MBNL2: variants seen among roughly 807,000 people sequenced by gnomAD.
The protein encoded by MBNL2 is muscleblind like splicing regulator 2, also known as muscleblind-like protein 2.
Under a neutral mutation model 41.9 loss-of-function variants are expected in MBNL2, and 17 were observed. The ratio of observed to expected loss-of-function variants is 0.41; its 90% CI spans 0.28 to 0.61. The LOEUF (loss-of-function observed/expected upper bound fraction) is 0.61, where lower values mean the gene tolerates loss of function less well. Among genes scored for constraint, MBNL2 ranks in the 20% least tolerant of loss-of-function variants. The pLI, the probability that MBNL2 is intolerant of heterozygous loss-of-function variation, is 0.35. For missense variants in MBNL2, 336 were observed against 505.6 expected, an observed-to-expected ratio of 0.66 and a Z score of 3.22; for synonymous variants, 195 against 182.9, an observed-to-expected ratio of 1.07 and a Z score of -0.53.
intron 1 of MBNL2, among the ~76,000 whole-genome samples, chr13:97,257,764 A>G (rs867632416): frequency 6.6e-6 from 1 of 152,114 alleles, no homozygotes; most frequent in Non-Finnish European, 1.5e-5. Flanking sequence ...CAGATTTTAC[A>G]TTTCACTCCT....
At chr13:97,193,910 C>T in the MBNL2 span, among the ~76,000 whole-genome samples, 1 of 152,218 alleles carries the variant, frequency 6.6e-6, no homozygotes, top group African/African-American at 2.4e-5. Context: ...TCACTTTCTT[C>T]TCTCTCGCTA....
At chr13:97,333,775 G>A (rs952299024) in intron 2 of MBNL2, among the ~76,000 whole-genome samples, 5 of 146,014 alleles carry the variant, frequency 3.4e-5, no homozygotes, top group African/African-American at 1.3e-4. Context: ...ACAGACAACT[G>A]TATAGCAAGT....
At chr13:97,166,849 T>TAGAAAGAAAGAA in the MBNL2 span, among the ~76,000 whole-genome samples, 1 of 139,768 alleles carries the variant, frequency 7.2e-6, no homozygotes, top group Non-Finnish European at 1.6e-5. Flanking sequence ...GAAAGATAGA[T>TAGAAAGAAAGAA]AGAGATATAT....
At chr13:97,224,673 T>G (rs142615306) in intron 1 of MBNL2, among the ~76,000 whole-genome samples, 1 of 149,798 alleles carries the variant, frequency 6.7e-6, no homozygotes, top group East Asian at 2.0e-4. Flanking sequence ...TCTTGGCACA[T>G]TGAGCTATTT....
the MBNL2 span, among the ~76,000 whole-genome samples, chr13:97,214,202 T>C: frequency 0.18 from 27,533 of 152,112 alleles, 3,465 homozygotes; most frequent in African/African-American, 0.36. Flanking sequence ...TGCCATAGCA[T>C]ACACTATTTG....
chr13:97,378,897 T>C (rs1249390950), intron 8 of MBNL2, among the ~76,000 whole-genome samples: 9 of 152,230 alleles, frequency 5.9e-5, no homozygotes, highest in African/African-American at 2.2e-4. Flanking sequence ...CTCTGTGAAG[T>C]TTCTTATCTA....
At chr13:97,368,338 G>C (rs1230857900) in intron 8 of MBNL2, among the ~76,000 whole-genome samples, 1 of 151,814 alleles carries the variant, frequency 6.6e-6, no homozygotes, top group African/African-American at 2.4e-5. Flanking sequence ...GCCTGAGCCT[G>C]GGGAGGTCGA....
chr13:97,181,310 G>T, the MBNL2 span, among the ~76,000 whole-genome samples: 19 of 152,198 alleles, frequency 1.2e-4, no homozygotes. Flanking sequence ...GGATTTGAAT[G>T]TTGACATCTC....
At chr13:97,144,203 G>C in the MBNL2 span, among the ~76,000 whole-genome samples, 2 of 151,934 alleles carry the variant, frequency 1.3e-5, no homozygotes, top group Non-Finnish European at 2.9e-5. Context: ...CGGCTGCTCT[G>C]TCTGAGCCTT....
chr13:97,181,598 A>G, the MBNL2 span, among the ~76,000 whole-genome samples: 1 of 152,328 alleles, frequency 6.6e-6, no homozygotes, highest in Non-Finnish European at 1.5e-5. Context: ...TAGGAAAGAT[A>G]ATTTATGCCT....
chr13:97,204,982 C>A, the MBNL2 span, among the ~76,000 whole-genome samples: 1 of 151,568 alleles, frequency 6.6e-6, no homozygotes, highest in Non-Finnish European at 1.5e-5. Flanking sequence ...GACCATCCTG[C>A]CCAACATGGT....
intron 3 of MBNL2, among the ~76,000 whole-genome samples, chr13:97,339,060 T>C (rs1312241321): frequency 8.1e-5 from 1 of 12,294 alleles, no homozygotes; most frequent in African/African-American, 2.7e-4. Context: ...AGTGTGTATA[T>C]GTGTGCATGC....
intron 2 of MBNL2, among the ~76,000 whole-genome samples, chr13:97,318,360 C>CT (rs1302503040): frequency 2.6e-5 from 4 of 152,174 alleles, no homozygotes; most frequent in Non-Finnish European, 4.4e-5. Context: ...CTGTATCTTG[C>CT]TACTTGCACA....
At chr13:97,259,499 C>T (rs1428101216) in intron 1 of MBNL2, among the ~76,000 whole-genome samples, 2 of 152,178 alleles carry the variant, frequency 1.3e-5, no homozygotes, top group East Asian at 3.9e-4. Flanking sequence ...TGGTTCTGGA[C>T]TTGGGAGCAG....
intron 2 of MBNL2, among the ~76,000 whole-genome samples, chr13:97,300,435 A>T (rs2057503688): frequency 6.6e-6 from 1 of 152,160 alleles, no homozygotes; most frequent in Non-Finnish European, 1.5e-5. Flanking sequence ...TCCACCTCAG[A>T]TCATCAGGCA....
At chr13:97,353,131 A>AC (rs2062656712) in intron 5 of MBNL2, among the ~76,000 whole-genome samples, 1 of 152,198 alleles carries the variant, frequency 6.6e-6, no homozygotes, top group East Asian at 1.9e-4. Flanking sequence ...AGTGTTAGTT[A>AC]CCATAGTTTC....
Position 97,276,402 on chromosome 13 carries a change from C to A in MBNL2, c.167C>A (p.Ser56Tyr). ...GGAAGAGTAATTGCCTGCTTTGATT[C>A]CCTAAAGGTAAGAGAATGCGTTTTA... ...ENGRVIACFDSLKGRCSRENC... is the reference protein window; with the variant it reads ...ENGRVIACFDYLKGRCSRENC... The change falls in exon 2 of 9, where the codon TCC (serine) becomes TAC (tyrosine). Residue 56 changes from serine to tyrosine, a missense_variant. Physicochemically the swap from Ser to Tyr is moderately radical, Grantham distance 144 (BLOSUM62 -2). Coordinates refer to ENST00000679496, the MANE Select transcript of MBNL2 (RefSeq NM_001382683.1). 1 of 1,613,922 alleles carries A rather than the reference C, an allele frequency of 6.2e-7. No homozygotes were observed. Among genetic ancestry groups the A allele is most frequent in the South Asian group, 1.1e-5 (1 of 91,054 alleles).
At chr13:97,246,071 A>G (rs1169587168) in intron 1 of MBNL2, among the ~76,000 whole-genome samples, 1 of 152,170 alleles carries the variant, frequency 6.6e-6, no homozygotes, top group Non-Finnish European at 1.5e-5. Context: ...TTAGAAAGGG[A>G]CTGTTTGTTC....
the MBNL2 span, among the ~76,000 whole-genome samples, chr13:97,190,032 G>A: frequency 4.6e-5 from 7 of 152,188 alleles, no homozygotes; most frequent in South Asian, 2.1e-4. Flanking sequence ...TTCAAACCAC[G>A]AGTGTCAGCA....
Sources: allele counts gnomAD v4.1 joint callset (sites outside exome capture counted in the v4.1 genomes callset), GRCh38; gene constraint gnomAD v4.1.1; transcripts MANE v1.5; gene names NCBI Gene and HGNC (gene_info 2026-07-23, HGNC 2026-07-21).